Variants in MESD observed in about 807,000 individuals in gnomAD.
MESD encodes LRP chaperone MESD.
Under a neutral mutation model 12.9 loss-of-function variants are expected in MESD, and 7 were observed. That is an observed-to-expected ratio of 0.54 (90% CI 0.31 to 1.02). The LOEUF (loss-of-function observed/expected upper bound fraction) is 1.02, where lower values mean the gene tolerates loss of function less well. Among genes scored for constraint, MESD ranks in the 50% least tolerant of loss-of-function variants. MESD has a pLI of 0.05. For missense variants in MESD, 342 were observed against 296.7 expected (o/e 1.15, Z -1.12); for synonymous variants, 126 against 115.6 (o/e 1.09, Z -0.58).
chr15:80,971,256 A>G (rs759701301), downstream of MESD, among the ~76,000 whole-genome samples: 2 of 152,224 alleles, frequency 1.3e-5, no homozygotes, highest in Admixed American at 6.5e-5. Context: ...GGTACCTGAC[A>G]GCCTAGCATA....
downstream of MESD, chr15:80,947,001 C>T (rs972915544): frequency 1.9e-6 from 3 of 1,614,052 alleles, no homozygotes; most frequent in Non-Finnish European, 2.5e-6. Context: ...GAAGATACGT[C>T]TCCAGAGGCC....
intron 1 of MESD, among the ~76,000 whole-genome samples, chr15:80,987,265 GAGA>G (rs1335126202): frequency 5.3e-5 from 8 of 149,814 alleles, no homozygotes; most frequent in East Asian, 1.9e-4. Context: ...GTCACAAGAG[GAGA>G]AGAACTGCTT....
In MESD at chr15:80,989,764, C is replaced by T; in HGVS notation, c.28G>A (p.Ala10Thr). Residue 10 changes from alanine (A) to threonine (T), a missense_variant, in exon 1 of 3, where the codon GCC becomes ACC. By Grantham distance (58) the Ala-to-Thr change is moderately conservative. Transcript: ENST00000261758. ...TCAGAGGCACAAAGCAGGACCACGGCCTTGCGCGCCCACCTGGAAGCCGCC... is the reference window on the plus strand; with the variant it reads ...TCAGAGGCACAAAGCAGGACCACGGTCTTGCGCGCCCACCTGGAAGCCGCC... Reference protein sequence around the residue: MAASRWARKAVVLLCASDLL... With the variant: MAASRWARKTVVLLCASDLL... 4 of 1,595,128 alleles carry T rather than the reference C, an allele frequency of 2.5e-6. No individual in the cohort carries two copies. Among genetic ancestry groups the T allele is most frequent in the Non-Finnish European group, 2.5e-6 (3 of 1,177,146 alleles).
chr15:80,983,239 T>C (rs1034782158), intron 1 of MESD, among the ~76,000 whole-genome samples: 2 of 148,228 alleles, frequency 1.3e-5, no homozygotes, highest in African/African-American at 2.5e-5. Context: ...CGAGACCCTG[T>C]CTTAAAAGAA....
intron 3 of MESD, among the ~76,000 whole-genome samples, chr15:80,955,502 A>AAAAAAAAAAAAAAAAG (rs1483500188): frequency 1.3e-4 from 18 of 143,416 alleles, no homozygotes; most frequent in African/African-American, 5.3e-4. Flanking sequence ...AAAAAAAAAA[A>AAAAAAAAAAAAAAAAG]AAAGAAATGC....
intron 3 of MESD, among the ~76,000 whole-genome samples, chr15:80,967,390 A>G (rs886467874): frequency 6.6e-6 from 1 of 152,210 alleles, no homozygotes; most frequent in Non-Finnish European, 1.5e-5. Flanking sequence ...GGAAGCTTCT[A>G]TCCTAAGGGA....
chr15:80,949,184 T>TCTCTCCTA, intron 4 of MESD: 1 of 517,178 alleles, frequency 1.9e-6, no homozygotes, highest in Non-Finnish European at 3.5e-6. Flanking sequence ...CTTGGGTGCT[T>TCTCTCCTA]CTCTCCTATC....
At chr15:80,974,059 GT>G (rs1555441781), downstream of MESD, among the ~76,000 whole-genome samples, 2 of 151,194 alleles carry the variant, frequency 1.3e-5, no homozygotes, top group Non-Finnish European at 2.9e-5. Flanking sequence ...AGCAATTATG[GT>G]TCCCCCCCCC....
At chr15:80,972,612 C>G (rs1488864052), downstream of MESD, among the ~76,000 whole-genome samples, 1 of 152,192 alleles carries the variant, frequency 6.6e-6, no homozygotes, top group African/African-American at 2.4e-5. Context: ...CATGCCTGGT[C>G]CAGCCCTACT....
intron 3 of MESD, among the ~76,000 whole-genome samples, chr15:80,953,627 C>A (rs964418732): frequency 6.6e-6 from 1 of 152,118 alleles, no homozygotes; most frequent in African/African-American, 2.4e-5. Context: ...TTGCAGAATG[C>A]ATAGGAATGA....
intron 1 of MESD, among the ~76,000 whole-genome samples, chr15:80,982,471 G>A (rs542616742): frequency 3.5e-4 from 54 of 152,228 alleles, no homozygotes; most frequent in Admixed American, 7.2e-4. Context: ...CTGTAAAAAT[G>A]GCCACATTCT....
At chr15:80,958,250 G>A (rs999564882) in intron 3 of MESD, among the ~76,000 whole-genome samples, 2 of 152,162 alleles carry the variant, frequency 1.3e-5, no homozygotes, top group Non-Finnish European at 2.9e-5. Flanking sequence ...TAGAACATCA[G>A]AATTCTCCTT....
rs989793519 is a variant in MESD at position 80,978,894 on chromosome 15, G to T, written c.*325C>A. ...GGCCACCCAATCACAGCAGGTGCTT[G>T]GAGGGGAGTGGAATCTCAGTAGAGT... On this transcript the variant is annotated 3_prime_UTR_variant, in exon 3 of 3. Transcript: ENST00000261758. 15 of 355,688 alleles carry T rather than the reference G, an allele frequency of 4.2e-5. No homozygotes were observed. The allele number at this position is 355,688 out of a possible 1,614,324, so 22.0% of individuals were successfully genotyped here. A position where few individuals can be genotyped will look rare whatever the true frequency, so the allele number is the denominator to read the frequency against.
intron 1 of MESD, among the ~76,000 whole-genome samples, chr15:80,984,334 G>A (rs12911777): frequency 0.13 from 19,419 of 152,100 alleles, 1,628 homozygotes; most frequent in Non-Finnish European, 0.17. Context: ...AGCACTTTAG[G>A]AGGTCGAAGC....
downstream of MESD, among the ~76,000 whole-genome samples, chr15:80,973,456 T>G (rs1902334464): frequency 6.6e-6 from 1 of 152,110 alleles, no homozygotes; most frequent in Non-Finnish European, 1.5e-5. Flanking sequence ...GGAGGATGGC[T>G]TGAGCCTAGG....
intron 3 of MESD, among the ~76,000 whole-genome samples, chr15:80,955,450 A>G (rs1224853042): frequency 7.2e-6 from 1 of 139,336 alleles, no homozygotes; most frequent in African/African-American, 2.7e-5. Context: ...AGATTGCGCC[A>G]CTGCACTCCA....
At chr15:80,987,371 C>A (rs2141818156) in intron 1 of MESD, among the ~76,000 whole-genome samples, 1 of 152,294 alleles carries the variant, frequency 6.6e-6, no homozygotes, top group South Asian at 2.1e-4. Flanking sequence ...AGAGCGTCTA[C>A]AAACATTAAC....
Position 80,963,071 on chromosome 15 carries a change from A to C in MESD, c.*289-10775T>G, listed in dbSNP as rs140782946. ...AGCTGGGTTTTTGAAAAGATCAACA[A>C]AATAGACCACTAACAGGACTAATAA... is the stretch of plus-strand genomic sequence containing the variant. On this transcript the variant is annotated intron_variant, in intron 3 of 4. Coordinates refer to the MESD transcript ENST00000561312. Among the ~76,000 whole-genome samples, 1,101 of 152,246 alleles carry C rather than the reference A, an allele frequency of 7.2e-3. 11 individuals carry two copies. Among genetic ancestry groups the C allele is most frequent in the African/African-American group, 0.025 (1,054 of 41,554 alleles).
At chr15:80,959,173 A>C (rs1334168716) in intron 3 of MESD, among the ~76,000 whole-genome samples, 1 of 152,080 alleles carries the variant, frequency 6.6e-6, no homozygotes, top group East Asian at 1.9e-4. Flanking sequence ...CTGCTGTTGG[A>C]GTTGGGGGAG....
Sources: gnomAD v4.1 joint callset for allele counts (sites outside exome capture counted in the v4.1 genomes callset) on GRCh38, gnomAD v4.1.1 for gene constraint, MANE v1.5 for transcripts, NCBI Gene and HGNC (gene_info 2026-07-23, HGNC 2026-07-21) for gene names.